EPHA5: variants seen among roughly 807,000 people sequenced by gnomAD.
EPHA5 encodes the protein EPH receptor A5, also known as ephrin type-A receptor 5.
A neutral mutation model predicts 105.0 loss-of-function variants in EPHA5; 60 were observed. That is an observed-to-expected ratio of 0.57 (90% CI 0.46 to 0.71). The LOEUF is 0.71. Ranked by LOEUF, EPHA5 falls within the 30% of genes least tolerant of loss-of-function variation. The probability of loss-of-function intolerance (pLI) is 0.00; values close to 1 mark genes in which losing one functional copy is unlikely to be tolerated. For missense variants in EPHA5, 1,218 were observed against 1,274.7 expected (o/e 0.96, Z 0.68); for synonymous variants, 513 against 449.1 (o/e 1.14, Z -1.80).
At chr4:65,394,329 C>G (rs150942367) in intron 8 of EPHA5, among the ~76,000 whole-genome samples, 1 of 152,216 alleles carries the variant, frequency 6.6e-6, no homozygotes, top group African/African-American at 2.4e-5. Flanking sequence ...TGAATAATCA[C>G]AAGTCTTGGG....
chr4:65,408,429 CA>C (rs910309633), intron 7 of EPHA5, among the ~76,000 whole-genome samples: 32 of 151,868 alleles, frequency 2.1e-4, no homozygotes, highest in African/African-American at 7.5e-4. Context: ...AATATTGAAG[CA>C]ATGTAACACA....
chr4:65,481,728 T>C (rs1417304341), intron 5 of EPHA5, among the ~76,000 whole-genome samples: 1 of 152,190 alleles, frequency 6.6e-6, no homozygotes, highest in African/African-American at 2.4e-5. Context: ...TGGGGGAATA[T>C]GTGTGAAAAT....
At chr4:65,348,364 G>T (rs1254899107) in intron 13 of EPHA5, among the ~76,000 whole-genome samples, 161 bp from the exon 14 acceptor site, 1 of 151,902 alleles carries the variant, frequency 6.6e-6, no homozygotes, top group Admixed American at 6.6e-5. Context: ...ATAAGCAGTT[G>T]TAGACTACTA....
chr4:65,649,554 T>G (rs1380982053), intron 1 of EPHA5, among the ~76,000 whole-genome samples: 1 of 152,322 alleles, frequency 6.6e-6, no homozygotes, highest in Non-Finnish European at 1.5e-5. Flanking sequence ...TAAAATATAT[T>G]CAAAAATAAA....
chr4:65,429,772 G>A (rs1724802814), intron 5 of EPHA5, among the ~76,000 whole-genome samples: 1 of 151,930 alleles, frequency 6.6e-6, no homozygotes, highest in Non-Finnish European at 1.5e-5. Flanking sequence ...CTTCTCTGCT[G>A]AAATATATTC....
chr4:65,576,113 G>A (rs146116125), intron 3 of EPHA5, among the ~76,000 whole-genome samples: 1,449 of 35,834 alleles, frequency 0.04, 62 homozygotes, highest in Admixed American at 0.056. Flanking sequence ...GAAAAGAAAA[G>A]AAAAAAGAAA....
chr4:65,596,706 A>ACACACC (rs752922195), intron 3 of EPHA5, among the ~76,000 whole-genome samples: 49 of 151,432 alleles, frequency 3.2e-4, no homozygotes, highest in African/African-American at 1.2e-3. Context: ...ACACACACAC[A>ACACACC]CCAACACAAC....
intron 5 of EPHA5, among the ~76,000 whole-genome samples, chr4:65,478,034 G>A (rs761961993): frequency 1.3e-5 from 2 of 152,120 alleles, no homozygotes; most frequent in Non-Finnish European, 2.9e-5. Flanking sequence ...ATAAATCAGA[G>A]ATGAATTATA....
chr4:65,439,095 A>G (rs1373337790), intron 5 of EPHA5, among the ~76,000 whole-genome samples: 1 of 152,156 alleles, frequency 6.6e-6, no homozygotes, highest in Non-Finnish European at 1.5e-5. Flanking sequence ...ATACTGAGGT[A>G]AGGAAAAACT....
chr4:65,509,839 G>C (rs1733425515), intron 3 of EPHA5, among the ~76,000 whole-genome samples: 1 of 152,080 alleles, frequency 6.6e-6, no homozygotes, highest in African/African-American at 2.4e-5. Flanking sequence ...ATCAGATGAA[G>C]TGAATAGTAA....
chr4:65,509,026 T>G (rs750838933), intron 3 of EPHA5, among the ~76,000 whole-genome samples: 2 of 152,168 alleles, frequency 1.3e-5, no homozygotes, highest in African/African-American at 2.4e-5. Flanking sequence ...AATATTCCTC[T>G]TTTGAATTGA....
intron 1 of EPHA5, among the ~76,000 whole-genome samples, chr4:65,648,359 T>G (rs1239399820): frequency 6.6e-6 from 1 of 152,176 alleles, no homozygotes; most frequent in East Asian, 1.9e-4. Flanking sequence ...TATTAGATTC[T>G]CCAGGAAATA....
chr4:65,420,627 T>G (rs1723859449), intron 5 of EPHA5, 62 bp from the exon 6 acceptor site: 2 of 1,504,496 alleles, frequency 1.3e-6, no homozygotes, highest in African/African-American at 2.8e-5. Context: ...AAACCTGTTA[T>G]GTTTATTACG....
At chr4:65,510,695 A>G (rs1163847899) in intron 3 of EPHA5, among the ~76,000 whole-genome samples, 2 of 152,204 alleles carry the variant, frequency 1.3e-5, no homozygotes, top group African/African-American at 4.8e-5. Context: ...GGCAATGGTC[A>G]TTGAGTTTTA....
intron 1 of EPHA5, among the ~76,000 whole-genome samples, chr4:65,664,204 C>G (rs1213378839): frequency 6.6e-6 from 1 of 151,810 alleles, no homozygotes; most frequent in Non-Finnish European, 1.5e-5. Flanking sequence ...ATAGATCATT[C>G]ATATTTTGAA....
At chr4:65,524,258 C>A (rs2149287332) in intron 3 of EPHA5, among the ~76,000 whole-genome samples, 1 of 151,808 alleles carries the variant, frequency 6.6e-6, no homozygotes, top group Non-Finnish European at 1.5e-5. Flanking sequence ...GAGAATAAGT[C>A]TATAGACAAA....
At chr4:65,389,256 G>A (rs1720464338) in intron 8 of EPHA5, among the ~76,000 whole-genome samples, 1 of 152,094 alleles carries the variant, frequency 6.6e-6, no homozygotes, top group South Asian at 2.1e-4. Flanking sequence ...GCATTGTGGT[G>A]CTGGCATATC....
intron 7 of EPHA5, among the ~76,000 whole-genome samples, chr4:65,409,239 T>C (rs1318041535): frequency 7.8e-6 from 1 of 128,540 alleles, no homozygotes; most frequent in East Asian, 2.5e-4. Context: ...TACCTAATGC[T>C]AGATGACGAG....
At chr4:65,524,911 G>T (rs1735089070) in intron 3 of EPHA5, among the ~76,000 whole-genome samples, 1 of 151,696 alleles carries the variant, frequency 6.6e-6, no homozygotes, top group Admixed American at 6.6e-5. Flanking sequence ...GTGTTTACAA[G>T]TATCTCATCC....
Sources: allele counts gnomAD v4.1 joint callset (sites outside exome capture counted in the v4.1 genomes callset), GRCh38; gene constraint gnomAD v4.1.1; transcripts MANE v1.5; gene names NCBI Gene and HGNC (gene_info 2026-07-23, HGNC 2026-07-21).